The following ERBB4 variants were observed in gnomAD, a reference collection of about 807,000 sequenced individuals.
ERBB4 encodes receptor tyrosine-protein kinase erbB-4.
A neutral mutation model predicts 158.0 loss-of-function variants in ERBB4; 42 were observed. The ratio of observed to expected loss-of-function variants is 0.27; its 90% CI spans 0.21 to 0.34. The LOEUF is 0.34. ERBB4 is among the 10% of genes least tolerant of loss of function. The pLI, the probability that ERBB4 is intolerant of heterozygous loss-of-function variation, is 1.00. For synonymous variants in ERBB4, 583 were observed against 558.7 expected, an observed-to-expected ratio of 1.04 and a Z score of -0.61; for missense variants, 1,333 against 1,624.1, an observed-to-expected ratio of 0.82 and a Z score of 3.08.
intron 11 of ERBB4, among the ~76,000 whole-genome samples, chr2:211,702,421 A>C (rs560753992): frequency 6.6e-6 from 1 of 152,252 alleles, no homozygotes; most frequent in South Asian, 2.1e-4. Flanking sequence ...TGTATTTACC[A>C]CTGAAATATC....
At chr2:211,941,857 C>T (rs1334600288) in intron 3 of ERBB4, among the ~76,000 whole-genome samples, 1 of 151,492 alleles carries the variant, frequency 6.6e-6, no homozygotes, top group Non-Finnish European at 1.5e-5. Flanking sequence ...AAAACAGATA[C>T]AAGGAAAGAA....
chr2:212,009,115 A>AATTT (rs142753539), intron 2 of ERBB4, among the ~76,000 whole-genome samples: 11 of 151,620 alleles, frequency 7.3e-5, no homozygotes, highest in Admixed American at 5.9e-4. Context: ...AATCATTAAA[A>AATTT]CTTATTATAA....
intron 20 of ERBB4, among the ~76,000 whole-genome samples, chr2:211,547,500 T>C (rs1050418163): frequency 2.2e-4 from 34 of 152,072 alleles, no homozygotes; most frequent in African/African-American, 8.2e-4. Flanking sequence ...CATAAATATA[T>C]ATCACAACTT....
At chr2:212,147,858 A>G (rs2080734492) in intron 1 of ERBB4, among the ~76,000 whole-genome samples, 2 of 152,028 alleles carry the variant, frequency 1.3e-5, no homozygotes, top group Non-Finnish European at 1.5e-5. Context: ...TCATATTTGC[A>G]ATTGTGGGGA....
chr2:212,416,149 TA>T lies in ERBB4; in HGVS notation c.82+122299del, dbSNP rs777455446. On this transcript the variant is annotated intron_variant, in intron 1 of 27. Coordinates refer to ENST00000342788, the MANE Select transcript of ERBB4 (RefSeq NM_005235.3). ...TGATTGAAGAGACATGAGAGGTAGTTACTAAAGCATCTTTCTGTACAAACTA... is the reference window on the plus strand; with the variant it reads ...TGATTGAAGAGACATGAGAGGTAGTTCTAAAGCATCTTTCTGTACAAACTA... Among the ~76,000 whole-genome samples, 91 of 152,276 alleles carry T rather than the reference TA, an allele frequency of 6.0e-4. No homozygotes were observed. In the Middle Eastern group the frequency reaches 0.017, roughly 28 times the overall value.
At chr2:212,495,711 A>G (rs1690526619) in intron 1 of ERBB4, among the ~76,000 whole-genome samples, 1 of 152,218 alleles carries the variant, frequency 6.6e-6, no homozygotes, top group Non-Finnish European at 1.5e-5. Flanking sequence ...GATCAGCTCC[A>G]GAATACATTA....
chr2:211,876,324 T>C (rs1474244179), intron 3 of ERBB4, among the ~76,000 whole-genome samples: 1 of 152,124 alleles, frequency 6.6e-6, no homozygotes, highest in Middle Eastern at 3.2e-3. Flanking sequence ...ATCTCACAAA[T>C]GGTTATGCAC....
At position 211,878,683 on chromosome 2, in the gene ERBB4, G is replaced by A. The variant is rs2078581834; in HGVS notation, c.421+68747C>T. On this transcript the variant is annotated intron_variant, in intron 3 of 27. Transcript: ENST00000342788. ...TTTTTTTTTTTTTCCTTGAGATGGA[G>A]TTTCCCTCTTGTTGCCCAGACTGGA... 3.3e-5 allele frequency among the ~76,000 whole-genome samples: 4 copies of A among 119,740 alleles called. No individual in the cohort carries two copies. The Admixed American group carries it at 4.0e-4, about 12-fold the overall frequency. 78.6% of individuals were successfully genotyped at this position (119,740 alleles called of 152,430 possible). A position where few individuals can be genotyped will look rare whatever the true frequency, so the allele number is the denominator to read the frequency against.
intron 2 of ERBB4, among the ~76,000 whole-genome samples, chr2:212,088,295 C>T (rs1488329748): frequency 6.6e-6 from 1 of 152,018 alleles, no homozygotes; most frequent in Admixed American, 6.6e-5. Flanking sequence ...AATAGTAGGA[C>T]ATGAAGGAAA....
chr2:211,701,636 T>C (rs1054790204), intron 12 of ERBB4, among the ~76,000 whole-genome samples: 1 of 151,546 alleles, frequency 6.6e-6, no homozygotes, highest in Non-Finnish European at 1.5e-5. Flanking sequence ...CGGGCGCCTG[T>C]AGTCCCAGCT....
chr2:211,733,076 C>T (rs926249101), intron 5 of ERBB4, among the ~76,000 whole-genome samples: 5 of 152,204 alleles, frequency 3.3e-5, no homozygotes, highest in Admixed American at 3.3e-4. Context: ...CGGACTATGA[C>T]ATGATAATAT....
intron 1 of ERBB4, among the ~76,000 whole-genome samples, chr2:212,224,837 T>A (rs896082882): frequency 4.6e-5 from 7 of 152,080 alleles, no homozygotes; most frequent in African/African-American, 1.4e-4. Context: ...AAGTTTTTTT[T>A]AAATTTGAAA....
rs57686734 is a variant in ERBB4 at position 211,941,716 on chromosome 2, C to CTTTTT, written c.421+5709_421+5713dup. Among the ~76,000 whole-genome samples the CTTTTT allele has an allele frequency of 4.2e-3, 560 of 132,924 alleles. 18 individuals carry two copies. Among genetic ancestry groups the CTTTTT allele is most frequent in the African/African-American group, 0.013 (465 of 35,064 alleles). The allele number at this position is 132,924 out of a possible 152,430, so 87.2% of individuals were successfully genotyped here. The stretch of plus-strand genomic sequence containing the variant: ...AGAAGACACACTGAAATTTGGAACA[C>CTTTTT]TTTTTTTTTTTTTTTTTTGTCTAAA... On this transcript the variant is annotated intron_variant, in intron 3 of 27. Transcript: ENST00000342788.
At chr2:212,056,519 AG>A (rs757495832) in intron 2 of ERBB4, among the ~76,000 whole-genome samples, 6 of 152,246 alleles carry the variant, frequency 3.9e-5, no homozygotes, top group Non-Finnish European at 7.3e-5. Flanking sequence ...TGTTAAGGGC[AG>A]CCAGAGAGAA....
intron 2 of ERBB4, among the ~76,000 whole-genome samples, chr2:211,997,580 T>A (rs2082229411): frequency 6.6e-6 from 1 of 152,098 alleles, no homozygotes; most frequent in South Asian, 2.1e-4. Flanking sequence ...GTTTATTTAA[T>A]GTTAATTCAT....
chr2:211,540,373 T>A (rs976528021), intron 20 of ERBB4, among the ~76,000 whole-genome samples: 1 of 151,834 alleles, frequency 6.6e-6, no homozygotes, highest in Non-Finnish European at 1.5e-5. Flanking sequence ...CTCGTACACA[T>A]AATTGCAATG....
intron 2 of ERBB4, among the ~76,000 whole-genome samples, chr2:212,035,829 C>T (rs2077000167): frequency 6.6e-6 from 1 of 152,108 alleles, no homozygotes; most frequent in Admixed American, 6.6e-5. Context: ...TGTCCTCATT[C>T]TTAGCAAAGT....
At position 211,724,169 on chromosome 2, in the gene ERBB4, C is replaced by T. The variant is rs996586591; in HGVS notation, c.741+907G>A. Among the ~76,000 whole-genome samples the T allele has an allele frequency of 1.3e-4, 20 of 152,110 alleles. 1 individual carries two copies. Among genetic ancestry groups the T allele is most frequent in the South Asian group, 4.1e-4 (2 of 4,834 alleles). On this transcript the variant is annotated intron_variant, in intron 6 of 27. Coordinates refer to ENST00000342788, the MANE Select transcript of ERBB4 (RefSeq NM_005235.3). ...CTGAGTATCTTCTTTAAATTTTTAA[C>T]ATTTTTATTTCCTTTTCTTCTTCCT...
intron 16 of ERBB4, among the ~76,000 whole-genome samples, chr2:211,639,442 A>C (rs992439371): frequency 6.6e-6 from 1 of 152,206 alleles, no homozygotes; most frequent in Non-Finnish European, 1.5e-5. Flanking sequence ...AATAGAGCAG[A>C]AAGTATTACA....
Sources: gnomAD v4.1 joint callset for allele counts (sites outside exome capture counted in the v4.1 genomes callset) on GRCh38, gnomAD v4.1.1 for gene constraint, MANE v1.5 for transcripts, NCBI Gene and HGNC (gene_info 2026-07-23, HGNC 2026-07-21) for gene names.